Variants in SLC10A7 observed in about 807,000 individuals in gnomAD.
SLC10A7 encodes the protein sodium/bile acid cotransporter 7.
SLC10A7 carries 29 observed loss-of-function variants against 43.2 expected under a neutral mutation model. That is an observed-to-expected ratio of 0.67 (90% CI 0.50 to 0.92). SLC10A7 has a LOEUF of 0.92. Ranked by LOEUF, SLC10A7 falls within the 40% of genes least tolerant of loss-of-function variation. The pLI, the probability that SLC10A7 is intolerant of heterozygous loss-of-function variation, is 0.00. For synonymous variants in SLC10A7, 152 were observed against 144.8 expected, an observed-to-expected ratio of 1.05 and a Z score of -0.35; for missense variants, 295 against 403.2, an observed-to-expected ratio of 0.73 and a Z score of 2.30.
chr4:146,290,121 C>G lies in SLC10A7; in HGVS notation c.773+2808G>C, dbSNP rs113206065. ...GGGCGGATCACAAGGTCAGGAGATC[C>G]AGACCATCCTGGCTAACATGCTGAA... On this transcript the variant is annotated intron_variant, in intron 9 of 11. Coordinates refer to ENST00000335472, the MANE Select transcript of SLC10A7 (RefSeq NM_001029998.6). 5.2e-3 allele frequency among the ~76,000 whole-genome samples: 776 copies of G among 150,392 alleles called. 7 individuals are homozygous for G. The highest frequency in any genetic ancestry group is 0.013 in the African/African-American group (550 of 41,232).
At chr4:146,418,002 A>AGATGATGAT (rs140809624) in intron 5 of SLC10A7, among the ~76,000 whole-genome samples, 8,178 of 147,268 alleles carry the variant, frequency 0.056, 289 homozygotes, top group Middle Eastern at 0.073. Flanking sequence ...ATATCTGAAC[A>AGATGATGAT]GATGATGATG....
chr4:146,444,773 G>A (rs536209859), intron 4 of SLC10A7, among the ~76,000 whole-genome samples: 1 of 152,232 alleles, frequency 6.6e-6, no homozygotes, highest in South Asian at 2.1e-4. Flanking sequence ...GTCCTCCTGT[G>A]CAGTGAGCTC....
At chr4:146,356,402 T>A (rs1735635695) in intron 5 of SLC10A7, among the ~76,000 whole-genome samples, 1 of 152,178 alleles carries the variant, frequency 6.6e-6, no homozygotes, top group African/African-American at 2.4e-5. Context: ...TGAGAGATCC[T>A]CGTGTAACTT....
At chr4:146,394,845 T>C (rs1403679141) in intron 5 of SLC10A7, among the ~76,000 whole-genome samples, 1 of 152,238 alleles carries the variant, frequency 6.6e-6, no homozygotes, top group Non-Finnish European at 1.5e-5. Flanking sequence ...TTTCTCCATA[T>C]TCTTATTCAT....
intron 5 of SLC10A7, among the ~76,000 whole-genome samples, chr4:146,351,172 C>G (rs1266358319): frequency 2.7e-5 from 4 of 150,910 alleles, no homozygotes; most frequent in Non-Finnish European, 4.4e-5. Flanking sequence ...ATAACCAATA[C>G]AGACAAGTGC....
intron 8 of SLC10A7, 121 bp downstream of exon 8, chr4:146,293,809 A>C (rs889109819): frequency 1.8e-6 from 1 of 567,182 alleles, no homozygotes; most frequent in Non-Finnish European, 2.9e-6. Flanking sequence ...AATGTAAAAT[A>C]AAATTAAGCA....
chr4:146,356,068 A>G (rs915652734), intron 5 of SLC10A7, among the ~76,000 whole-genome samples: 1 of 147,978 alleles, frequency 6.8e-6, no homozygotes, highest in African/African-American at 2.5e-5. Context: ...ATATATATAT[A>G]CATATATATA....
chr4:146,475,771 TC>T (rs1733970462), intron 4 of SLC10A7, among the ~76,000 whole-genome samples: 1 of 152,138 alleles, frequency 6.6e-6, no homozygotes, highest in Non-Finnish European at 1.5e-5. Flanking sequence ...TTTCAATCCA[TC>T]ACGAACTAAA....
intron 7 of SLC10A7, among the ~76,000 whole-genome samples, chr4:146,302,716 A>G (rs6537415): frequency 0.95 from 144,824 of 152,292 alleles, 68,956 homozygotes; most frequent in East Asian, 1. Context: ...AGAGGTCAGA[A>G]AGGTAGGCAG....
chr4:146,452,982 T>C (rs1453280668), intron 4 of SLC10A7, among the ~76,000 whole-genome samples: 6 of 151,444 alleles, frequency 4.0e-5, no homozygotes, highest in Non-Finnish European at 7.4e-5. Flanking sequence ...TTAACAGAAG[T>C]ATGTATACTA....
chr4:146,314,688 C>T (rs1018230481), intron 6 of SLC10A7, among the ~76,000 whole-genome samples: 3 of 152,142 alleles, frequency 2.0e-5, no homozygotes, highest in Admixed American at 6.5e-5. Context: ...GGATGACTTT[C>T]AGCAGTGGTC....
chr4:146,388,376 A>C (rs1738159245), intron 5 of SLC10A7, among the ~76,000 whole-genome samples: 1 of 152,222 alleles, frequency 6.6e-6, no homozygotes, highest in African/African-American at 2.4e-5. Context: ...CCATATACAG[A>C]AAATGAAACT....
intron 9 of SLC10A7, among the ~76,000 whole-genome samples, chr4:146,289,233 T>G (rs891288562): frequency 4.6e-5 from 7 of 152,206 alleles, no homozygotes; most frequent in Non-Finnish European, 1.0e-4. Flanking sequence ...CCATTAATGA[T>G]CATCGCCATC....
rs1488661467 is a variant in SLC10A7, at chr4:146,510,364, A to T, written c.184-315T>A. On this transcript the variant is annotated intron_variant, in intron 2 of 11. Coordinates refer to ENST00000335472, the MANE Select transcript of SLC10A7 (RefSeq NM_001029998.6). ...AACCTCCGTCCCCCAGTTTCAAGGG[A>T]TTCTCCTGCATCAGCCTCCTGAGTA... Among the ~76,000 whole-genome samples, 5 of 149,748 alleles carry T rather than the reference A, an allele frequency of 3.3e-5. No homozygotes were observed. In the East Asian group the frequency reaches 7.9e-4, roughly 24 times the overall value.
rs1727794625 is a variant in SLC10A7 at position 146,254,401 on chromosome 4, A to T, written c.*2090T>A. 1 of 152,214 alleles carries T rather than the reference A, an allele frequency of 6.6e-6. No homozygotes were observed. The highest frequency in any genetic ancestry group is 2.1e-4 in the South Asian group (1 of 4,832). The allele number at this position is 152,214 out of a possible 1,614,324, so 9.4% of individuals were successfully genotyped here. A position where few individuals can be genotyped will look rare whatever the true frequency, so the allele number is the denominator to read the frequency against. On this transcript the variant is annotated 3_prime_UTR_variant, in exon 12 of 12. Coordinates refer to ENST00000335472, the MANE Select transcript of SLC10A7 (RefSeq NM_001029998.6). ...AGCTCTGAATAATTAAATCCCAATA[A>T]GCATGAATTAAAAATAAATTTTGAT...
intron 5 of SLC10A7, among the ~76,000 whole-genome samples, chr4:146,406,893 G>A (rs183770628): frequency 1.2e-4 from 19 of 152,280 alleles, no homozygotes; most frequent in African/African-American, 3.6e-4. Flanking sequence ...TGAGGCAGGA[G>A]AATCACTTGA....
At position 146,442,766 on chromosome 4, in the gene SLC10A7, A is replaced by G; in HGVS notation, c.435+17T>C. 6.2e-7 allele frequency: 1 copy of G among 1,603,088 alleles called. No homozygotes were observed. The highest frequency in any genetic ancestry group is 8.5e-7 in the Non-Finnish European group (1 of 1,176,914). ...CAGCAAAAGTTGTAATAGACAAGTT[A>G]AACTATGTTTACTTACCAAAAAACT... On this transcript the variant is annotated intron_variant, in intron 5 of 11. Transcript: ENST00000335472.
intron 4 of SLC10A7, among the ~76,000 whole-genome samples, chr4:146,473,715 T>TA (rs777683094): frequency 2.5e-3 from 376 of 151,368 alleles, no homozygotes; most frequent in Admixed American, 4.5e-3. Flanking sequence ...TCAAGTATTT[T>TA]AAAAAAAAAT....
At chr4:146,360,944 C>T (rs1379863566) in intron 5 of SLC10A7, among the ~76,000 whole-genome samples, 2 of 152,052 alleles carry the variant, frequency 1.3e-5, no homozygotes, top group Non-Finnish European at 2.9e-5. Context: ...TGAACTTATT[C>T]TCTGGGCTGG....
Sources: gnomAD v4.1 joint callset for allele counts (sites outside exome capture counted in the v4.1 genomes callset) on GRCh38, gnomAD v4.1.1 for gene constraint, MANE v1.5 for transcripts, NCBI Gene and HGNC (gene_info 2026-07-23, HGNC 2026-07-21) for gene names.